RBPMS: variants seen among roughly 807,000 people sequenced by gnomAD.
RBPMS encodes the protein RNA binding protein, mRNA processing factor.
A neutral mutation model predicts 26.8 loss-of-function variants in RBPMS; 7 were observed. The ratio of observed to expected loss-of-function variants is 0.26; its 90% CI spans 0.15 to 0.49. RBPMS has a LOEUF of 0.49. Ranked by LOEUF, RBPMS falls within the 20% of genes least tolerant of loss-of-function variation. RBPMS has a pLI of 0.98. For missense variants in RBPMS, 186 were observed against 250.0 expected (o/e 0.74, Z 1.73); for synonymous variants, 96 against 93.3 (o/e 1.03, Z -0.17).
chr8:30,556,918 G>A, intron 6 of RBPMS: 1 of 243,058 alleles, frequency 4.1e-6, no homozygotes, highest in Non-Finnish European at 5.7e-6. Context: ...TCCTTCTTTT[G>A]TTCTGAACAC....
At chr8:30,453,450 T>C (rs549338657) in intron 1 of RBPMS, among the ~76,000 whole-genome samples, 2 of 152,286 alleles carry the variant, frequency 1.3e-5, no homozygotes, top group South Asian at 4.2e-4. Flanking sequence ...ATTCTACTTT[T>C]CTAAAAAAAA....
chr8:30,414,849 C>T (rs1211077285), intron 1 of RBPMS, among the ~76,000 whole-genome samples: 12 of 152,156 alleles, frequency 7.9e-5, no homozygotes, highest in African/African-American at 1.9e-4. Flanking sequence ...CTTCCCTTGG[C>T]CTCCATGACA....
chr8:30,487,205 A>T (rs1818883227), intron 4 of RBPMS, among the ~76,000 whole-genome samples: 1 of 151,860 alleles, frequency 6.6e-6, no homozygotes, highest in African/African-American at 2.4e-5. Context: ...AGGGCAGCAC[A>T]TTTTGGCAGC....
chr8:30,518,336 C>T (rs924450925), intron 5 of RBPMS, among the ~76,000 whole-genome samples: 1 of 152,104 alleles, frequency 6.6e-6, no homozygotes, highest in Admixed American at 6.6e-5. Context: ...TTTTTCCATT[C>T]CCCCGTGGTT....
intron 5 of RBPMS, among the ~76,000 whole-genome samples, chr8:30,519,707 A>G (rs898812149): frequency 2.6e-5 from 4 of 151,694 alleles, no homozygotes; most frequent in Non-Finnish European, 4.4e-5. Flanking sequence ...TAGAGAGACT[A>G]TTGTCTCGAT....
At chr8:30,526,096 T>TC (rs1823553026) in intron 5 of RBPMS, among the ~76,000 whole-genome samples, 1 of 152,140 alleles carries the variant, frequency 6.6e-6, no homozygotes, top group African/African-American at 2.4e-5. Flanking sequence ...CTTTGTAGAG[T>TC]CCAACTCTTT....
intron 5 of RBPMS, among the ~76,000 whole-genome samples, chr8:30,515,618 A>G (rs1822225124): frequency 6.6e-6 from 1 of 152,174 alleles, no homozygotes; most frequent in South Asian, 2.1e-4. Context: ...AAATATGTAG[A>G]TTTCACTAAA....
At chr8:30,498,102 T>A (rs1585667015) in intron 4 of RBPMS, among the ~76,000 whole-genome samples, 1 of 151,248 alleles carries the variant, frequency 6.6e-6, no homozygotes, top group African/African-American at 2.4e-5. Flanking sequence ...TATCCTATAG[T>A]AAAAGGCAGT....
intron 4 of RBPMS, among the ~76,000 whole-genome samples, chr8:30,497,504 C>G (rs559636970): frequency 1.1e-4 from 16 of 152,232 alleles, no homozygotes; most frequent in African/African-American, 3.9e-4. Context: ...CAAAATCATG[C>G]CACTGCACTC....
chr8:30,532,247 C>T (rs1824298036), intron 5 of RBPMS, among the ~76,000 whole-genome samples: 2 of 152,148 alleles, frequency 1.3e-5, no homozygotes, highest in African/African-American at 4.8e-5. Flanking sequence ...CATTCCAAAG[C>T]ACCACTCCCT....
At chr8:30,512,459 T>C (rs1319032149) in intron 5 of RBPMS, among the ~76,000 whole-genome samples, 1 of 152,066 alleles carries the variant, frequency 6.6e-6, no homozygotes, top group Non-Finnish European at 1.5e-5. Flanking sequence ...ATTGTTTTTT[T>C]TGTTGTTGTT....
chr8:30,544,840 A>G (rs1585832821), intron 6 of RBPMS: 1 of 1,528,542 alleles, frequency 6.5e-7, no homozygotes, highest in Non-Finnish European at 8.8e-7. Flanking sequence ...GTTTGCCCCA[A>G]ATGACACCTC....
At chr8:30,503,438 T>C (rs534242046) in intron 4 of RBPMS, among the ~76,000 whole-genome samples, 1 of 152,018 alleles carries the variant, frequency 6.6e-6, no homozygotes, top group African/African-American at 2.4e-5. Flanking sequence ...TTTTGTATTT[T>C]AGTAGAGATG....
chr8:30,472,642 A>G (rs547074339), intron 1 of RBPMS, among the ~76,000 whole-genome samples: 178 of 152,356 alleles, frequency 1.2e-3, no homozygotes, highest in Non-Finnish European at 1.8e-3. Context: ...TTCTGGGGCT[A>G]TTTACATCAT....
At chr8:30,496,627 T>C (rs114801333) in intron 4 of RBPMS, among the ~76,000 whole-genome samples, 1,705 of 152,350 alleles carry the variant, frequency 0.011, 39 homozygotes, top group African/African-American at 0.038. Context: ...TCAGAGAACC[T>C]GACCCAGTTC....
intron 5 of RBPMS, among the ~76,000 whole-genome samples, chr8:30,520,680 C>T (rs1383989045): frequency 6.6e-6 from 1 of 152,114 alleles, no homozygotes; most frequent in Non-Finnish European, 1.5e-5. Flanking sequence ...AAAGCAACTC[C>T]TTTATCCACA....
intron 1 of RBPMS, among the ~76,000 whole-genome samples, chr8:30,466,923 G>A (rs1239734428): frequency 6.6e-6 from 1 of 152,142 alleles, no homozygotes; most frequent in East Asian, 1.9e-4. Context: ...CCTATGGTTA[G>A]TCAATCCTTG....
intron 4 of RBPMS, among the ~76,000 whole-genome samples, chr8:30,497,824 A>G (rs996470074): frequency 6.6e-6 from 1 of 151,630 alleles, no homozygotes; most frequent in Non-Finnish European, 1.5e-5. Context: ...GGGTTTCACC[A>G]TGTTAGCCAG....
chr8:30,429,939 G>C (rs1449973762), intron 1 of RBPMS, among the ~76,000 whole-genome samples: 1 of 152,186 alleles, frequency 6.6e-6, no homozygotes, highest in Non-Finnish European at 1.5e-5. Flanking sequence ...TTTGATTATA[G>C]CCATATAGTT....
Sources: gnomAD v4.1 joint callset for allele counts (sites outside exome capture counted in the v4.1 genomes callset) on GRCh38, gnomAD v4.1.1 for gene constraint, MANE v1.5 for transcripts, NCBI Gene and HGNC (gene_info 2026-07-23, HGNC 2026-07-21) for gene names.